Variants in KIAA0319 observed in about 807,000 individuals in gnomAD.
KIAA0319 encodes the protein KIAA0319.
Under a neutral mutation model 108.4 loss-of-function variants are expected in KIAA0319, and 83 were observed. The ratio of observed to expected loss-of-function variants is 0.77; its 90% CI spans 0.64 to 0.92. The LOEUF is 0.92. Ranked by LOEUF, KIAA0319 falls within the 40% of genes least tolerant of loss-of-function variation. The pLI, the probability that KIAA0319 is intolerant of heterozygous loss-of-function variation, is 0.00. For synonymous variants in KIAA0319, 484 were observed against 510.4 expected, an observed-to-expected ratio of 0.95 and a Z score of 0.70; for missense variants, 1,195 against 1,322.4, an observed-to-expected ratio of 0.90 and a Z score of 1.49.
At chr6:24,604,614 C>T (rs575282547) in intron 1 of KIAA0319, among the ~76,000 whole-genome samples, 5 of 152,140 alleles carry the variant, frequency 3.3e-5, no homozygotes, top group Admixed American at 2.6e-4. Flanking sequence ...CCATATTGTA[C>T]CTGGAAAGCA....
At chr6:24,640,919 G>A (rs933283825) in intron 1 of KIAA0319, among the ~76,000 whole-genome samples, 11 of 152,070 alleles carry the variant, frequency 7.2e-5, no homozygotes, top group South Asian at 2.1e-4. Flanking sequence ...CTCCCAAACC[G>A]CCGCAATTAC....
At chr6:24,602,820 A>T (rs530673956) in intron 1 of KIAA0319, among the ~76,000 whole-genome samples, 1 of 152,292 alleles carries the variant, frequency 6.6e-6, no homozygotes, top group South Asian at 2.1e-4. Context: ...AAAAAAAGAA[A>T]AGAAAAAAAG....
intron 10 of KIAA0319, among the ~76,000 whole-genome samples, chr6:24,574,789 T>C (rs994948985): frequency 2.0e-5 from 3 of 151,256 alleles, no homozygotes; most frequent in Non-Finnish European, 4.4e-5. Context: ...TGCACCCTTT[T>C]AAGAACTTTT....
At position 24,587,035 on chromosome 6, in the gene KIAA0319, T is replaced by C. The variant is rs1427063181; in HGVS notation, c.994+1558A>G. On this transcript the variant is annotated intron_variant, in intron 4 of 20. Transcript: ENST00000378214. ...TCTGCAACTATCACCTCCACACCGA[T>C]GACTCGTAATCCTTTATCTTCAGCC... 2.6e-5 allele frequency among the ~76,000 whole-genome samples: 4 copies of C among 152,166 alleles called. No individual in the cohort carries two copies. In the East Asian group the frequency reaches 7.7e-4, roughly 29 times the overall value.
intron 1 of KIAA0319, among the ~76,000 whole-genome samples, chr6:24,622,899 C>T (rs1479594159): frequency 6.6e-6 from 1 of 152,064 alleles, no homozygotes; most frequent in African/African-American, 2.4e-5. Context: ...ATTAGTCGGA[C>T]ATGGTGGCAG....
Position 24,601,154 on chromosome 6 carries a change from A to G in KIAA0319, c.-51T>C. On this transcript the variant is annotated 5_prime_UTR_variant, in exon 2 of 21. Coordinates refer to ENST00000378214, the MANE Select transcript of KIAA0319 (RefSeq NM_014809.4). ...AGGCTTCTGAGGCGGCCCTGAAGAG[A>G]GTTTGGTGCAAGCTTCCTTTGATGT... is the stretch of plus-strand genomic sequence containing the variant. The G allele has an allele frequency of 1.2e-6, 2 of 1,602,320 alleles. No homozygotes were observed. Among genetic ancestry groups the G allele is most frequent in the Non-Finnish European group, 8.5e-7 (1 of 1,174,354 alleles).
intron 10 of KIAA0319, among the ~76,000 whole-genome samples, chr6:24,572,919 C>G (rs1764932947): frequency 1.3e-5 from 2 of 152,024 alleles, no homozygotes; most frequent in Admixed American, 1.3e-4. Context: ...AGTTCGAGAC[C>G]AGCCTGGCCA....
chr6:24,636,992 C>T (rs537022973), intron 1 of KIAA0319, among the ~76,000 whole-genome samples: 1 of 152,312 alleles, frequency 6.6e-6, no homozygotes, highest in African/African-American at 2.4e-5. Flanking sequence ...AGATAAGCTG[C>T]AGACAAAAGC....
intron 1 of KIAA0319, among the ~76,000 whole-genome samples, chr6:24,612,057 A>G (rs1008488057): frequency 4.1e-5 from 6 of 145,966 alleles, no homozygotes; most frequent in Non-Finnish European, 7.5e-5. Context: ...CAAAAAAAAA[A>G]AAAAGAAAAG....
intron 1 of KIAA0319, among the ~76,000 whole-genome samples, chr6:24,637,027 C>T (rs1209312207): frequency 2.6e-5 from 4 of 152,170 alleles, no homozygotes; most frequent in Non-Finnish European, 5.9e-5. Flanking sequence ...AAATTTTAAA[C>T]AAGTAGGATC....
chr6:24,563,307 A>C, intron 16 of KIAA0319, 52 bp downstream of exon 16: 3 of 1,566,240 alleles, frequency 1.9e-6, no homozygotes, highest in Non-Finnish European at 2.6e-6. Flanking sequence ...GGATGAGGTA[A>C]GAGCTGGAAT....
chr6:24,569,078 C>A, intron 12 of KIAA0319, 149 bp from the exon 13 acceptor site: 1 of 770,650 alleles, frequency 1.3e-6, no homozygotes, highest in Admixed American at 2.8e-5. Flanking sequence ...CATCTGTACT[C>A]TCTAGTTCAG....
intron 1 of KIAA0319, among the ~76,000 whole-genome samples, chr6:24,621,304 A>G (rs1027448144): frequency 1.3e-5 from 2 of 152,182 alleles, no homozygotes; most frequent in African/African-American, 4.8e-5. Context: ...ATAGTTCCTT[A>G]ACACACTCAC....
intron 19 of KIAA0319, among the ~76,000 whole-genome samples, chr6:24,553,355 A>G (rs1239173348): frequency 1.3e-5 from 2 of 148,428 alleles, no homozygotes; most frequent in Admixed American, 6.7e-5. Flanking sequence ...ATATATATAT[A>G]TATCTGTATG....
Position 24,596,047 on chromosome 6 carries a change from C to T in KIAA0319, c.627G>A (p.Thr209=), listed in dbSNP as rs746758466. Residue 209 remains threonine, a synonymous_variant, in exon 3 of 21, where the codon ACG becomes ACA. Coordinates refer to ENST00000378214, the MANE Select transcript of KIAA0319 (RefSeq NM_014809.4). ...VGDSPAVPAE[T]QQDPELHYLN... The stretch of plus-strand genomic sequence containing the variant: ...GGTAATGGAGCTCAGGGTCCTGCTG[C>T]GTCTCCGCTGGCACCGCAGGACTGT... The T allele has an allele frequency of 2.0e-5, 32 of 1,614,042 alleles. No individual in the cohort carries two copies. Among genetic ancestry groups the T allele is most frequent in the East Asian group, 2.2e-5 (1 of 44,884 alleles).
chr6:24,578,008 T>G (rs1225436984), intron 9 of KIAA0319, 102 bp downstream of exon 9: 6 of 1,253,574 alleles, frequency 4.8e-6, no homozygotes, highest in Non-Finnish European at 6.5e-6. Context: ...GCCAAATCTC[T>G]TTTGATCAAA....
chr6:24,620,268 A>G (rs767006556), intron 1 of KIAA0319, among the ~76,000 whole-genome samples: 3 of 152,148 alleles, frequency 2.0e-5, no homozygotes, highest in Non-Finnish European at 4.4e-5. Flanking sequence ...TTCAATTTTT[A>G]TATATAAAAA....
Position 24,566,599 on chromosome 6 carries a change from C to T in KIAA0319, c.2290G>A (p.Gly764Arg). The T allele has an allele frequency of 6.2e-7, 1 of 1,606,814 alleles. No individual in the cohort carries two copies. Among genetic ancestry groups the T allele is most frequent in the Non-Finnish European group, 8.5e-7 (1 of 1,177,270 alleles). ...WIRDGQSPAA[G>R]DVIDGSDHSV... ...AGCAATTCTCTCTCAGTACTCACTC[C>T]AGCTGCTGGACTCTGGCCATCCCGG... The change falls in exon 14 of 21, where the codon GGA (glycine) becomes AGA (arginine). Residue 764 changes from glycine (G) to arginine (R), a missense_variant and splice_region_variant. By Grantham distance (125) the Gly-to-Arg change is moderately radical. Transcript: ENST00000378214.
intron 4 of KIAA0319, among the ~76,000 whole-genome samples, chr6:24,586,045 C>T (rs1481057298): frequency 1.6e-4 from 24 of 152,108 alleles, no homozygotes; most frequent in African/African-American, 5.3e-4. Flanking sequence ...GCCAAGGTCA[C>T]GCCACTGCAC....
Sources: gnomAD v4.1 joint callset for allele counts (sites outside exome capture counted in the v4.1 genomes callset) on GRCh38, gnomAD v4.1.1 for gene constraint, MANE v1.5 for transcripts, NCBI Gene and HGNC (gene_info 2026-07-23, HGNC 2026-07-21) for gene names.